Variants in DNHD1 observed in about 807,000 individuals in gnomAD.
DNHD1 encodes dynein heavy chain domain-containing protein 1.
In DNHD1, 383 loss-of-function variants were observed where a neutral mutation model predicts 458.1. The ratio of observed to expected loss-of-function variants is 0.84; its 90% confidence interval spans 0.77 to 0.91. The LOEUF is 0.91. Ranked by LOEUF, DNHD1 falls within the 40% of genes least tolerant of loss-of-function variation. The pLI, the probability that DNHD1 is intolerant of heterozygous loss-of-function variation, is 0.00. For synonymous variants in DNHD1, 2,203 were observed against 2,376.9 expected (o/e 0.93, Z 2.13); for missense variants, 5,336 against 5,866.1 (o/e 0.91, Z 2.95).
At chr11:6,520,995 C>A in intron 10 of DNHD1, 1 of 461,098 alleles carries the variant, frequency 2.2e-6, no homozygotes, top group Non-Finnish European at 2.9e-6. Flanking sequence ...TGAAAGGAAC[C>A]TGTGTCTTTT....
chr11:6,559,668 C>T (rs574003326), intron 28 of DNHD1, among the ~76,000 whole-genome samples: 4 of 152,228 alleles, frequency 2.6e-5, no homozygotes, highest in Non-Finnish European at 4.4e-5. Context: ...ACTTTGTCCC[C>T]ATACCCTTTC....
intron 3 of DNHD1, among the ~76,000 whole-genome samples, chr11:6,499,554 T>TTTTG (rs971413068): frequency 1.1e-4 from 17 of 151,602 alleles, no homozygotes; most frequent in Non-Finnish European, 2.1e-4. Context: ...TATATTTTTC[T>TTTTG]TTTGTTTCTT....
In DNHD1 at chr11:6,564,101, C is replaced by T. The variant is rs559065992; in HGVS notation, c.10261C>T (p.Arg3421Cys). Residue 3421 changes from arginine (R) to cysteine (C), a missense_variant, in exon 31 of 43, where the codon CGT becomes TGT. Physicochemically the swap from Arg to Cys is radical, Grantham distance 180. Around this residue, in one of 4 missense-constraint regions of DNHD1, gnomAD observed 3,932 missense variants for 4,365.6 expected, o/e 0.90. Transcript: ENST00000254579. ...GAAGGCTGCACTGCTCACGCCTATG[C>T]GTGCCTGGACTACACAGCTCCAGGT... ...PMKAALLTPM[R>C]AWTTQLQKLK... 4.4e-5 allele frequency: 68 copies of T among 1,551,104 alleles called. No individual in the cohort carries two copies. Among genetic ancestry groups the T allele is most frequent in the Middle Eastern group, 1.7e-4 (1 of 5,990 alleles).
Position 6,546,080 on chromosome 11 carries a change from C to T in DNHD1, c.5141C>T (p.Ser1714Leu), listed in dbSNP as rs201274362. 111 of 1,551,470 alleles carry T rather than the reference C, an allele frequency of 7.2e-5. 1 individual carries two copies. The Admixed American group carries it at 2.0e-3, about 28-fold the overall frequency. ...LGRQLVMLPC[S>L]PQIEAQCLSN... Reference sequence around the variant, plus strand: ...CGCCAGCTGGTGATGCTACCCTGCTCACCTCAGATAGAGGCTCAATGCCTG... The same window carrying T: ...CGCCAGCTGGTGATGCTACCCTGCTTACCTCAGATAGAGGCTCAATGCCTG... The change falls in exon 21 of 43, where the codon TCA becomes TTA. Residue 1714 changes from serine (S) to leucine (L), a missense_variant. Coordinates refer to ENST00000254579, the MANE Select transcript of DNHD1 (RefSeq NM_144666.3).
At chr11:6,570,151 G>A (rs1400668652) in intron 40 of DNHD1, 51 bp downstream of exon 40, 3 of 1,613,570 alleles carry the variant, frequency 1.9e-6, no homozygotes, top group African/African-American at 2.7e-5. Context: ...GGAGAGCCTG[G>A]AAGAGGGTGG....
chr11:6,546,129 G>A lies in DNHD1; in HGVS notation c.5190G>A (p.Leu1730=). Residue 1730 remains leucine, a synonymous_variant, in exon 21 of 43, where the codon CTG becomes CTA. Coordinates refer to ENST00000254579, the MANE Select transcript of DNHD1 (RefSeq NM_144666.3). ...TGAGCAACTATCTGAATGGTGCCCT[G>A]CAGGGTGGTGCCTGGCTGCTGTTGG... ...QCLSNYLNGA[L]QGGAWLLLEK... is the part of the protein sequence containing the mutation. 3 of 1,551,444 alleles carry A rather than the reference G, an allele frequency of 1.9e-6. No homozygotes were observed. Among genetic ancestry groups the A allele is most frequent in the Non-Finnish European group, 2.6e-6 (3 of 1,146,738 alleles).
chr11:6,507,408 C>T (rs906695540), intron 4 of DNHD1, among the ~76,000 whole-genome samples: 1 of 152,142 alleles, frequency 6.6e-6, no homozygotes, highest in Non-Finnish European at 1.5e-5. Flanking sequence ...TATCTAGTTA[C>T]AGTAGGCCAG....
At chr11:6,544,426 T>A (rs1366689694) in intron 19 of DNHD1, 148 bp from the exon 20 acceptor site, 32 of 1,020,548 alleles carry the variant, frequency 3.1e-5, no homozygotes, top group Non-Finnish European at 4.2e-5. Flanking sequence ...AAGTTTTTTC[T>A]CCCTCAAGCA....
chr11:6,498,996 G>T (rs756233062), intron 3 of DNHD1, 35 bp downstream of exon 3: 3 of 1,530,700 alleles, frequency 2.0e-6, no homozygotes, highest in Non-Finnish European at 2.6e-6. Flanking sequence ...CTTGAGCAGA[G>T]GAGAAAAAGT....
Position 6,508,939 on chromosome 11 carries a change from C to T in DNHD1, c.980C>T (p.Ser327Phe). The T allele has an allele frequency of 6.2e-7, 1 of 1,614,212 alleles. No individual in the cohort carries two copies. The highest frequency in any genetic ancestry group is 1.1e-5 in the South Asian group (1 of 91,082). Residue 327 changes from serine to phenylalanine, a missense_variant, in exon 5 of 43, where the codon TCT (serine) becomes TTT (phenylalanine). Ser to Phe is a radical substitution (Grantham distance 155). Transcript: ENST00000254579. ...GTGAATCCCGAGCACTACATCTTCT[C>T]TCCCTTTGGGATCTTGCATGTACAT... ...DKVNPEHYIFSPFGILHVHPV... is the reference protein window; with the variant it reads ...DKVNPEHYIFFPFGILHVHPV...
In DNHD1 at chr11:6,563,797, G is replaced by C. The variant is rs138570572; in HGVS notation, c.9957G>C (p.Val3319=). The C allele has an allele frequency of 1.5e-4, 230 of 1,551,660 alleles. No homozygotes were observed. The African/African-American group carries it at 2.2e-3, about 15-fold the overall frequency. The change falls in exon 31 of 43, where the codon GTG becomes GTC. Residue 3319 remains valine, a synonymous_variant. Coordinates refer to ENST00000254579, the MANE Select transcript of DNHD1 (RefSeq NM_144666.3). ...PGMDDAALRA[V]SRPAASLAAW... is the part of the protein sequence containing the mutation. Reference sequence around the variant, plus strand: ...TGGACGATGCAGCCCTGCGGGCAGTGAGCCGACCTGCAGCCAGCCTGGCAG... The same window carrying C: ...TGGACGATGCAGCCCTGCGGGCAGTCAGCCGACCTGCAGCCAGCCTGGCAG...
chr11:6,538,371 C>T lies in DNHD1; in HGVS notation c.2999-12C>T. The T allele has an allele frequency of 9.7e-6, 15 of 1,551,706 alleles. No homozygotes were observed. Among genetic ancestry groups the T allele is most frequent in the Non-Finnish European group, 1.3e-5 (15 of 1,146,984 alleles). On this transcript the variant is annotated splice_polypyrimidine_tract_variant and intron_variant, in intron 14 of 42. Transcript: ENST00000254579. ...CAAGTAGCCCAGGTCTCAAGTCAGC[C>T]CTCCCCCACAGAGGATGAGACTCCT...
At position 6,498,765 on chromosome 11, in the gene DNHD1, T is replaced by G; in HGVS notation, c.550T>G (p.Trp184Gly). 1.2e-6 allele frequency: 2 copies of G among 1,614,184 alleles called. No individual in the cohort carries two copies. The highest frequency in any genetic ancestry group is 1.7e-4 in the Middle Eastern group (1 of 6,060). ...RQQVKEELAT[W>G]LRPLTLPELQ... ...GCAAGTAAAGGAGGAGCTGGCCACC[T>G]GGCTGCGACCATTGACACTGCCTGA... Residue 184 changes from tryptophan to glycine, a missense_variant, in exon 3 of 43, where the codon TGG (tryptophan) becomes GGG (glycine). Trp to Gly is a radical substitution (Grantham distance 184). Coordinates refer to ENST00000254579, the MANE Select transcript of DNHD1 (RefSeq NM_144666.3).
chr11:6,529,159 T>C, intron 12 of DNHD1, 38 bp downstream of exon 12: 1 of 1,546,704 alleles, frequency 6.5e-7, no homozygotes. Context: ...CCTTCCCTTT[T>C]CTGTATGTCT....
Position 6,558,303 on chromosome 11 carries a change from G to C in DNHD1, c.9002+6G>C. ...AAGGAAATGGTGTTGCAGAGGTGAGGCCAAGAACCCCATATGCGAATCTGC... is the reference window on the plus strand; with the variant it reads ...AAGGAAATGGTGTTGCAGAGGTGAGCCCAAGAACCCCATATGCGAATCTGC... On this transcript the variant is annotated splice_donor_region_variant and intron_variant, in intron 25 of 42. Coordinates refer to ENST00000254579, the MANE Select transcript of DNHD1 (RefSeq NM_144666.3). 1 of 1,549,530 alleles carries C rather than the reference G, an allele frequency of 6.5e-7. No individual in the cohort carries two copies. Among genetic ancestry groups the C allele is most frequent in the Non-Finnish European group, 8.7e-7 (1 of 1,146,114 alleles).
chr11:6,553,474 AC>A (rs1853403148), intron 24 of DNHD1, among the ~76,000 whole-genome samples: 1 of 152,226 alleles, frequency 6.6e-6, no homozygotes, highest in African/African-American at 2.4e-5. Flanking sequence ...TCAACACTGT[AC>A]TGGAGACCAC....
In DNHD1 at chr11:6,558,313, C is replaced by A; in HGVS notation, c.9002+16C>A. The A allele has an allele frequency of 6.5e-7, 1 of 1,547,414 alleles. No individual in the cohort carries two copies. Among genetic ancestry groups the A allele is most frequent in the African/African-American group, 1.4e-5 (1 of 73,094 alleles). On this transcript the variant is annotated intron_variant, in intron 25 of 42. Transcript: ENST00000254579. ...TGTTGCAGAGGTGAGGCCAAGAACC[C>A]CATATGCGAATCTGCTCTGCTCTTA... is the stretch of plus-strand genomic sequence containing the variant.
rs1405263670 is a variant in DNHD1 at position 6,564,382 on chromosome 11, C to T, written c.10334C>T (p.Ser3445Leu). The T allele has an allele frequency of 6.4e-7, 1 of 1,550,980 alleles. No individual in the cohort carries two copies. The highest frequency in any genetic ancestry group is 1.4e-5 in the African/African-American group (1 of 73,026). Residue 3445 changes from serine (S) to leucine (L), a missense_variant, in exon 32 of 43, where the codon TCA becomes TTA. Ser to Leu is a moderately radical substitution (Grantham distance 145). Coordinates refer to ENST00000254579, the MANE Select transcript of DNHD1 (RefSeq NM_144666.3). ...GTGTTTGGAGATACCCTCCTATGTT[C>T]AGCTGCCATCATCTACCTGGGTCCC... is the stretch of plus-strand genomic sequence containing the variant. The part of the protein sequence containing the change: ...MTVFGDTLLC[S>L]AAIIYLGPFP...
Position 6,509,051 on chromosome 11 carries a change from T to A in DNHD1, c.1092T>A (p.Phe364Leu), listed in dbSNP as rs1414385847. The change falls in exon 5 of 43, where the codon TTT becomes TTA. Residue 364 changes from phenylalanine to leucine, a missense_variant. This residue lies in a region of DNHD1 where 3,932 missense variants were observed against 4,365.6 expected (regional missense o/e 0.90). Transcript: ENST00000254579. Reference sequence around the variant, plus strand: ...AGCAGCTCCAGTTCATTCCATTCTTTAAGTATTGCCTCTTACGCAAGTCCT... The same window carrying A: ...AGCAGCTCCAGTTCATTCCATTCTTAAAGTATTGCCTCTTACGCAAGTCCT... The part of the protein sequence containing the change: ...LWQQLQFIPF[F>L]KYCLLRKSFT... 1 of 1,614,246 alleles carries A rather than the reference T, an allele frequency of 6.2e-7. No individual in the cohort carries two copies. Among genetic ancestry groups the A allele is most frequent in the Non-Finnish European group, 8.5e-7 (1 of 1,180,044 alleles).
Sources: gnomAD v4.1 joint callset for allele counts (sites outside exome capture counted in the v4.1 genomes callset) on GRCh38, gnomAD v4.1.1 for gene constraint, gnomAD v4.1.1 regional missense constraint, MANE v1.5 for transcripts, NCBI Gene and HGNC (gene_info 2026-07-23, HGNC 2026-07-21) for gene names.